CPS1: variants seen among roughly 807,000 people sequenced by gnomAD.
CPS1 encodes carbamoyl-phosphate synthase 1, also known as carbamoyl-phosphate synthase [ammonia], mitochondrial.
A neutral mutation model predicts 174.6 loss-of-function variants in CPS1; 109 were observed. The ratio of observed to expected loss-of-function variants is 0.62; its 90% CI spans 0.53 to 0.73. CPS1 has a LOEUF of 0.73. Ranked by LOEUF, CPS1 falls within the 30% of genes least tolerant of loss-of-function variation. The pLI, the probability that CPS1 is intolerant of heterozygous loss-of-function variation, is 0.00. For synonymous variants in CPS1, 637 were observed against 632.0 expected, an observed-to-expected ratio of 1.01 and a Z score of -0.12; for missense variants, 1,689 against 1,821.9, an observed-to-expected ratio of 0.93 and a Z score of 1.33.
chr2:210,520,325 C>T (rs1350766985), intron 1 of CPS1, among the ~76,000 whole-genome samples: 2 of 151,924 alleles, frequency 1.3e-5, no homozygotes, highest in Non-Finnish European at 2.9e-5. Context: ...ACTTTAAGTT[C>T]TGAGATACAT....
chr2:210,561,313 C>G (rs1225087784), intron 1 of CPS1, among the ~76,000 whole-genome samples: 1 of 152,138 alleles, frequency 6.6e-6, no homozygotes, highest in Non-Finnish European at 1.5e-5. Flanking sequence ...GTACCCTAGT[C>G]CCAGCTTTGG....
Position 210,606,973 on chromosome 2 carries a change from A to G in CPS1, c.2192+32A>G, listed in dbSNP as rs769807713. The G allele has an allele frequency of 4.4e-6, 7 of 1,588,820 alleles. No individual in the cohort carries two copies. In the South Asian group the frequency reaches 6.6e-5, roughly 15 times the overall value. ...CCAGAATAATTGACCATGGGTTTGC[A>G]GATTCTTTTCAGATAGAAATGAAAA... is the stretch of plus-strand genomic sequence containing the variant. On this transcript the variant is annotated intron_variant, in intron 18 of 37. Coordinates refer to ENST00000233072, the MANE Select transcript of CPS1 (RefSeq NM_001875.5).
At chr2:210,661,727 A>AT (rs1320320343) in intron 32 of CPS1, among the ~76,000 whole-genome samples, 4 of 151,752 alleles carry the variant, frequency 2.6e-5, no homozygotes, top group Non-Finnish European at 4.4e-5. Flanking sequence ...AAATAGAGAA[A>AT]TTTTTTTTGA....
chr2:210,508,494 T>C (rs1235885760), intron 1 of CPS1, among the ~76,000 whole-genome samples: 3 of 151,646 alleles, frequency 2.0e-5, no homozygotes, highest in Non-Finnish European at 2.9e-5. Context: ...CAAACACATT[T>C]AAAAGCTAGC....
chr2:210,513,422 A>G (rs1396108110), intron 1 of CPS1, among the ~76,000 whole-genome samples: 1 of 151,596 alleles, frequency 6.6e-6, no homozygotes, highest in Non-Finnish European at 1.5e-5. Context: ...CATTTCTCTG[A>G]CAGTTATGTG....
intron 1 of CPS1, among the ~76,000 whole-genome samples, chr2:210,536,289 T>C (rs1043199967): frequency 9.2e-5 from 14 of 151,880 alleles, no homozygotes; most frequent in Non-Finnish European, 5.9e-5. Context: ...GTTTTAAATA[T>C]ATGTATTTTG....
intron 1 of CPS1, among the ~76,000 whole-genome samples, chr2:210,507,475 A>G (rs1446137868): frequency 1.3e-5 from 2 of 152,172 alleles, no homozygotes; most frequent in Non-Finnish European, 2.9e-5. Flanking sequence ...TCAACTAACG[A>G]GCAAAATAAC....
chr2:210,520,932 G>A (rs924078249), intron 1 of CPS1, among the ~76,000 whole-genome samples: 2 of 151,918 alleles, frequency 1.3e-5, no homozygotes, highest in African/African-American at 2.4e-5. Flanking sequence ...AAGTTTTATG[G>A]GCATATGTTG....
chr2:210,587,512 G>A (rs990832546), intron 6 of CPS1, among the ~76,000 whole-genome samples: 6 of 151,952 alleles, frequency 3.9e-5, no homozygotes, highest in African/African-American at 1.2e-4. Flanking sequence ...ACAATTGCAC[G>A]GCAACCTAAA....
At position 210,677,127 on chromosome 2, in the gene CPS1, T is replaced by G; in HGVS notation, c.4395T>G (p.Thr1465=). The change falls in exon 37 of 38, where the codon ACT becomes ACG. Residue 1465 remains threonine (T), a synonymous_variant. Transcript: ENST00000233072. The part of the protein sequence containing the change: ...TAVDSGIPLL[T]NFQVTKLFAE... ...TTGATAGTGGAATCCCTCTCCTCACTAATTTTCAGGTATAGTCTTTTCCTT... is the reference window on the plus strand; with the variant it reads ...TTGATAGTGGAATCCCTCTCCTCACGAATTTTCAGGTATAGTCTTTTCCTT... 6.2e-7 allele frequency: 1 copy of G among 1,613,882 alleles called. No individual in the cohort carries two copies. Among genetic ancestry groups the G allele is most frequent in the African/African-American group, 1.3e-5 (1 of 75,056 alleles).
chr2:210,608,682 A>G lies in CPS1; in HGVS notation c.2391+123A>G, dbSNP rs1164244597. 3.3e-6 allele frequency: 3 copies of G among 907,710 alleles called. No individual in the cohort carries two copies. The African/African-American group carries it at 4.9e-5, about 15-fold the overall frequency. The allele number at this position is 907,710 out of a possible 1,614,324, so 56.2% of individuals were successfully genotyped here. The stretch of plus-strand genomic sequence containing the variant: ...ACACATGGACAGTGTTAAAGGTGCA[A>G]TTGACAGTGTTAAAGTTGCCTGAAT... On this transcript the variant is annotated intron_variant, in intron 19 of 37. Transcript: ENST00000233072.
chr2:210,487,956 G>A (rs1694771686), intron 1 of CPS1, among the ~76,000 whole-genome samples: 1 of 152,148 alleles, frequency 6.6e-6, no homozygotes, highest in Non-Finnish European at 1.5e-5. Flanking sequence ...TCTTGCCTGT[G>A]TCATGGACCA....
intron 28 of CPS1, among the ~76,000 whole-genome samples, chr2:210,652,827 A>G (rs1700598614): frequency 6.6e-6 from 1 of 152,212 alleles, no homozygotes; most frequent in Non-Finnish European, 1.5e-5. Context: ...TTTGAGAATG[A>G]AAGCAATCAC....
At chr2:210,637,640 T>A in intron 21 of CPS1, 62 bp from the exon 22 acceptor site, 2 of 1,571,602 alleles carry the variant, frequency 1.3e-6, no homozygotes, top group East Asian at 4.5e-5. Flanking sequence ...GAAATTGAAC[T>A]TGTCACCGCT....
At chr2:210,501,395 A>T (rs765759506) in intron 1 of CPS1, among the ~76,000 whole-genome samples, 4 of 152,146 alleles carry the variant, frequency 2.6e-5, no homozygotes, top group Admixed American at 1.3e-4. Context: ...CCAAACTTTT[A>T]TGCTCTGCTT....
chr2:210,522,503 A>G (rs922398996), intron 1 of CPS1, among the ~76,000 whole-genome samples: 4 of 151,986 alleles, frequency 2.6e-5, no homozygotes, highest in African/African-American at 7.2e-5. Context: ...TAAATTTTGA[A>G]TCTAAAATGT....
At chr2:210,569,423 G>C (rs1697407867) in intron 1 of CPS1, among the ~76,000 whole-genome samples, 1 of 151,834 alleles carries the variant, frequency 6.6e-6, no homozygotes, top group African/African-American at 2.4e-5. Context: ...AATTTTTATT[G>C]CTTAAAACAT....
rs1401841718 is a variant in CPS1, at chr2:210,497,889, C to CATATATATATATATATAT, written c.3+20126_3+20127insTATATATATATATATATA. Reference sequence around the variant, plus strand: ...TGTCTTTTTGGTAGAACAATATATACATACATATATATATATATATATATA... The same window carrying CATATATATATATATATAT: ...TGTCTTTTTGGTAGAACAATATATACATATATATATATATATATATACATATATATATATATATATATA... On this transcript the variant is annotated intron_variant, in intron 1 of 38. Transcript: ENST00000430249. Among the ~76,000 whole-genome samples the CATATATATATATATATAT allele has an allele frequency of 3.9e-3, 244 of 62,980 alleles. 1 individual carries two copies. The highest frequency in any genetic ancestry group is 5.8e-3 in the Non-Finnish European group (160 of 27,618). The allele number at this position is 62,980 out of a possible 152,430, so 41.3% of individuals were successfully genotyped here.
intron 17 of CPS1, among the ~76,000 whole-genome samples, chr2:210,605,715 A>G (rs555571338): frequency 5.3e-5 from 8 of 152,076 alleles, no homozygotes; most frequent in African/African-American, 1.7e-4. Context: ...AGAGCTGTCA[A>G]AAAAGGGAGT....
Sources: allele counts gnomAD v4.1 joint callset (sites outside exome capture counted in the v4.1 genomes callset), GRCh38; gene constraint gnomAD v4.1.1; transcripts MANE v1.5; gene names NCBI Gene and HGNC (gene_info 2026-07-23, HGNC 2026-07-21).